The following ALK variants were observed in gnomAD, a reference collection of about 807,000 sequenced individuals.
ALK encodes ALK tyrosine kinase receptor.
In ALK, 74 loss-of-function variants were observed where a neutral mutation model predicts 163.1. That is an observed-to-expected ratio of 0.45 (90% CI 0.38 to 0.55). The LOEUF (loss-of-function observed/expected upper bound fraction) is 0.55, where lower values mean the gene tolerates loss of function less well. ALK is among the 20% of genes least tolerant of loss of function. The pLI, the probability that ALK is intolerant of heterozygous loss-of-function variation, is 0.00. For synonymous variants in ALK, 960 were observed against 843.2 expected, an observed-to-expected ratio of 1.14 and a Z score of -2.40; for missense variants, 2,063 against 2,105.3, an observed-to-expected ratio of 0.98 and a Z score of 0.39.
At chr2:29,879,341 C>T (rs759087619) in intron 1 of ALK, among the ~76,000 whole-genome samples, 4 of 152,186 alleles carry the variant, frequency 2.6e-5, no homozygotes, top group Admixed American at 6.5e-5. Flanking sequence ...AAGCAGTGTG[C>T]AACTATGCAT....
chr2:29,717,334 G>A (rs1679290448), intron 2 of ALK, among the ~76,000 whole-genome samples: 2 of 152,160 alleles, frequency 1.3e-5, no homozygotes, highest in South Asian at 4.1e-4. Flanking sequence ...CTAAGCAGGA[G>A]GGATATGGCA....
At chr2:29,315,121 A>G (rs886324232) in intron 8 of ALK, among the ~76,000 whole-genome samples, 1 of 152,170 alleles carries the variant, frequency 6.6e-6, no homozygotes, top group Non-Finnish European at 1.5e-5. Flanking sequence ...GGAACACAAA[A>G]AGAAAACCAA....
At chr2:29,224,873 C>A in intron 19 of ALK, 1 of 219,790 alleles carries the variant, frequency 4.5e-6, no homozygotes. Context: ...AGAGCCTTTC[C>A]CTCTGCCCTT....
chr2:29,772,476 T>C (rs1034151209), intron 1 of ALK, among the ~76,000 whole-genome samples: 1 of 152,204 alleles, frequency 6.6e-6, no homozygotes, highest in African/African-American at 2.4e-5. Context: ...TTGGCACATA[T>C]GCAGATGCAG....
intron 1 of ALK, among the ~76,000 whole-genome samples, chr2:29,770,016 C>T (rs1236137873): frequency 6.6e-6 from 1 of 152,196 alleles, no homozygotes; most frequent in Admixed American, 6.5e-5. Flanking sequence ...AGCAAAGAAG[C>T]CTTGATGAAA....
chr2:29,302,224 T>A (rs1312933508), intron 8 of ALK, among the ~76,000 whole-genome samples: 1 of 152,122 alleles, frequency 6.6e-6, no homozygotes, highest in East Asian at 1.9e-4. Flanking sequence ...GAGAATTAAA[T>A]AATTAACTTC....
intron 3 of ALK, among the ~76,000 whole-genome samples, chr2:29,660,685 G>GGA (rs35023060): frequency 0.59 from 88,539 of 150,682 alleles, 28,222 homozygotes; most frequent in Middle Eastern, 0.73. Flanking sequence ...GAGAAAGGGG[G>GGA]AAAAAGGGGT....
At chr2:29,546,557 G>A (rs531914817) in intron 3 of ALK, among the ~76,000 whole-genome samples, 67 of 152,318 alleles carry the variant, frequency 4.4e-4, no homozygotes, top group Non-Finnish European at 7.3e-4. Context: ...GGAGCTGGGC[G>A]ACCAGGGTGC....
chr2:29,792,745 G>A (rs1298380107), intron 1 of ALK, among the ~76,000 whole-genome samples: 1 of 152,094 alleles, frequency 6.6e-6, no homozygotes, highest in Non-Finnish European at 1.5e-5. Flanking sequence ...GCATATAAAA[G>A]TTATGCTTAC....
intron 3 of ALK, among the ~76,000 whole-genome samples, chr2:29,613,733 T>C (rs776238991): frequency 6.6e-6 from 1 of 152,238 alleles, no homozygotes; most frequent in East Asian, 1.9e-4. Context: ...CAGCATTTTA[T>C]ACCATAAAAC....
chr2:29,876,665 TGATGATGGTAAC>T (rs1666724902), intron 1 of ALK, among the ~76,000 whole-genome samples: 1 of 146,714 alleles, frequency 6.8e-6, no homozygotes, highest in Non-Finnish European at 1.5e-5. Context: ...GCGATGGTGG[TGATGATGGTAAC>T]GATGGTGATA....
chr2:29,437,965 C>A (rs533359701), intron 4 of ALK, among the ~76,000 whole-genome samples: 45 of 152,146 alleles, frequency 3.0e-4, no homozygotes, highest in African/African-American at 1.1e-3. Context: ...ATGAGGAAGA[C>A]CTGCAGGTAT....
intron 1 of ALK, among the ~76,000 whole-genome samples, chr2:29,845,613 T>C (rs988157167): frequency 3.5e-4 from 53 of 152,300 alleles, no homozygotes; most frequent in Admixed American, 3.1e-3. Context: ...TTTGTATTTT[T>C]AGTAGAGACA....
chr2:29,288,951 C>CAAAAAAAAAAAAAAAA lies in ALK; in HGVS notation c.1817+7936_1817+7937insTTTTTTTTTTTTTTTT, dbSNP rs770578645. Reference sequence around the variant, plus strand: ...TGGGCGACAGAGGGAGACTCCTTCTCAAAAAAATAAATAAATAAATAAATA... The same window carrying CAAAAAAAAAAAAAAAA: ...TGGGCGACAGAGGGAGACTCCTTCTCAAAAAAAAAAAAAAAAAAAAAAATAAATAAATAAATAAATA... On this transcript the variant is annotated intron_variant, in intron 9 of 28. Coordinates refer to ENST00000389048, the MANE Select transcript of ALK (RefSeq NM_004304.5). Among the ~76,000 whole-genome samples, 12 of 24,186 alleles carry CAAAAAAAAAAAAAAAA rather than the reference C, an allele frequency of 5.0e-4. 1 individual carries two copies. The highest frequency in any genetic ancestry group is 2.7e-3 in the Non-Finnish European group (10 of 3,702). The allele number at this position is 24,186 out of a possible 152,430, so 15.9% of individuals were successfully genotyped here. A position where few individuals can be genotyped will look rare whatever the true frequency, so the allele number is the denominator to read the frequency against.
chr2:29,241,952 G>A (rs1049856996), intron 12 of ALK, among the ~76,000 whole-genome samples: 2 of 152,042 alleles, frequency 1.3e-5, no homozygotes, highest in Admixed American at 1.3e-4. Context: ...TGTGCTGCTG[G>A]GATGCACAAA....
chr2:29,385,991 C>T (rs1485178601), intron 4 of ALK, among the ~76,000 whole-genome samples: 3 of 152,176 alleles, frequency 2.0e-5, no homozygotes, highest in Non-Finnish European at 4.4e-5. Flanking sequence ...ATCGGGGGCC[C>T]ATTTCTGCAT....
chr2:29,197,442 A>T (rs2148142880), intron 27 of ALK, 100 bp downstream of exon 27: 3 of 1,555,592 alleles, frequency 1.9e-6, no homozygotes, highest in Non-Finnish European at 1.8e-6. Flanking sequence ...GAGGGCAGCC[A>T]TCTGCCCCTT....
intron 1 of ALK, among the ~76,000 whole-genome samples, chr2:29,774,747 C>G (rs1386158075): frequency 1.3e-5 from 2 of 152,180 alleles, no homozygotes; most frequent in Non-Finnish European, 2.9e-5. Flanking sequence ...AAAGGCACCA[C>G]TCTAGACCAG....
intron 26 of ALK, among the ~76,000 whole-genome samples, chr2:29,200,931 A>T (rs1669163717): frequency 6.6e-6 from 1 of 151,348 alleles, no homozygotes; most frequent in African/African-American, 2.4e-5. Context: ...GGAATGATTG[A>T]TAGAAATAAT....
Sources: gnomAD v4.1 joint callset for allele counts (sites outside exome capture counted in the v4.1 genomes callset) on GRCh38, gnomAD v4.1.1 for gene constraint, MANE v1.5 for transcripts, NCBI Gene and HGNC (gene_info 2026-07-23, HGNC 2026-07-21) for gene names.